DCBLD2: variants seen among roughly 807,000 people sequenced by gnomAD.
DCBLD2 encodes discoidin, CUB and LCCL domain containing 2, also known as discoidin, CUB and LCCL domain-containing protein 2.
A neutral mutation model predicts 86.8 loss-of-function variants in DCBLD2; 54 were observed. That is an observed-to-expected ratio of 0.62 (90% CI 0.50 to 0.78). The LOEUF (loss-of-function observed/expected upper bound fraction) is 0.78. Among genes scored for constraint, DCBLD2 ranks in the 30% least tolerant of loss-of-function variants. DCBLD2 has a pLI of 0.00. For missense variants in DCBLD2, 908 were observed against 954.2 expected, an observed-to-expected ratio of 0.95 and a Z score of 0.64; for synonymous variants, 354 against 341.3, an observed-to-expected ratio of 1.04 and a Z score of -0.41.
At chr3:98,890,745 T>C (rs1943646274) in intron 1 of DCBLD2, among the ~76,000 whole-genome samples, 1 of 152,036 alleles carries the variant, frequency 6.6e-6, no homozygotes. Flanking sequence ...TCCAACTGCA[T>C]CTCGCAGACC....
chr3:98,835,625 C>T (rs1419026753), intron 3 of DCBLD2, among the ~76,000 whole-genome samples: 1 of 148,402 alleles, frequency 6.7e-6, no homozygotes, highest in Admixed American at 6.7e-5. Context: ...TCTCGGCTCA[C>T]TGCAACTTCT....
At chr3:98,853,811 G>T (rs1942882597) in intron 2 of DCBLD2, among the ~76,000 whole-genome samples, 2 of 152,138 alleles carry the variant, frequency 1.3e-5, no homozygotes, top group African/African-American at 4.8e-5. Flanking sequence ...ACTTCCTGAG[G>T]TGTGCCACGG....
chr3:98,848,854 T>TC (rs2107483333), intron 3 of DCBLD2, among the ~76,000 whole-genome samples: 1 of 152,296 alleles, frequency 6.6e-6, no homozygotes, highest in Non-Finnish European at 1.5e-5. Flanking sequence ...ATAAAACATT[T>TC]CAATAATTTA....
chr3:98,838,829 G>A (rs1576173774), intron 3 of DCBLD2, among the ~76,000 whole-genome samples: 1 of 152,128 alleles, frequency 6.6e-6, no homozygotes, highest in Admixed American at 6.5e-5. Flanking sequence ...CGGATCACTC[G>A]CGGTTAGGGG....
chr3:98,866,002 T>A (rs566141352), intron 2 of DCBLD2, among the ~76,000 whole-genome samples: 1 of 152,122 alleles, frequency 6.6e-6, no homozygotes, highest in South Asian at 2.1e-4. Flanking sequence ...GAATGATGGT[T>A]TCCAGCTTCA....
chr3:98,901,028 C>T lies in DCBLD2; in HGVS notation c.205+94G>A, dbSNP rs1345056178. The T allele has an allele frequency of 1.4e-5, 21 of 1,524,290 alleles. No individual in the cohort carries two copies. In the East Asian group the frequency reaches 5.0e-4, roughly 36 times the overall value. The allele number at this position is 1,524,290 out of a possible 1,614,324, so 94.4% of individuals were successfully genotyped here. A position where few individuals can be genotyped will look rare whatever the true frequency, so the allele number is the denominator to read the frequency against. ...CGGCCACGCACGAAAGCGCACCGCG[C>T]CTCCCTGCAGCGTCTGCAGATTTGT... On this transcript the variant is annotated intron_variant, in intron 1 of 15. Transcript: ENST00000326840.
At chr3:98,817,987 G>T in intron 8 of DCBLD2, 94 bp from the exon 9 acceptor site, 1 of 1,437,384 alleles carries the variant, frequency 7.0e-7, no homozygotes, top group Non-Finnish European at 9.4e-7. Context: ...TGCACAGCTC[G>T]AACATTTCTA....
chr3:98,827,876 GTCA>G (rs1157178947), intron 3 of DCBLD2, among the ~76,000 whole-genome samples: 1 of 152,190 alleles, frequency 6.6e-6, no homozygotes, highest in Non-Finnish European at 1.5e-5. Flanking sequence ...CAATGTATAA[GTCA>G]TCATAATCAA....
intron 2 of DCBLD2, among the ~76,000 whole-genome samples, chr3:98,849,966 A>G (rs1245938748): frequency 1.3e-5 from 2 of 152,180 alleles, no homozygotes; most frequent in Non-Finnish European, 2.9e-5. Context: ...AGTATTCTTA[A>G]AGTGCTTCCC....
rs1319333307 is a variant in DCBLD2, at chr3:98,839,170, TC to T, written c.571+10290del. 5.8e-3 allele frequency among the ~76,000 whole-genome samples: 339 copies of T among 58,756 alleles called. 2 individuals carry two copies. The highest frequency in any genetic ancestry group is 0.018 in the African/African-American group (278 of 15,416). 38.5% of individuals were successfully genotyped at this position (58,756 alleles called of 152,430 possible). ...TTCTTTCTTTCTTTCTTTCTTTCTT[TC>T]CTTTCTTTCTTCCTTCCTTCCTTCC... On this transcript the variant is annotated intron_variant, in intron 3 of 15. Coordinates refer to ENST00000326840, the MANE Select transcript of DCBLD2 (RefSeq NM_080927.4).
At chr3:98,838,952 GGCAGGGAGGTT>G (rs1942547633) in intron 3 of DCBLD2, among the ~76,000 whole-genome samples, 1 of 150,992 alleles carries the variant, frequency 6.6e-6, no homozygotes, top group Admixed American at 6.6e-5. Context: ...AGGAGTATCA[GGCAGGGAGGTT>G]GCAGTGAGCC....
At chr3:98,886,216 A>G (rs568916219) in intron 1 of DCBLD2, among the ~76,000 whole-genome samples, 1 of 152,138 alleles carries the variant, frequency 6.6e-6, no homozygotes, top group South Asian at 2.1e-4. Flanking sequence ...TCTTTAACAT[A>G]AAGAAATGCT....
chr3:98,901,486 T>C lies in DCBLD2; in HGVS notation c.-160A>G. On this transcript the variant is annotated 5_prime_UTR_variant, in exon 1 of 16. Transcript: ENST00000326840. ...GACCCTTCCGCCCCTCACCCCGCTT[T>C]CACCTACTCCTCCTTCGTCCCTTCC... is the stretch of plus-strand genomic sequence containing the variant. The C allele has an allele frequency of 1.6e-6, 1 of 611,242 alleles. No individual in the cohort carries two copies. Among genetic ancestry groups the C allele is most frequent in the Non-Finnish European group, 2.3e-6 (1 of 425,634 alleles). 37.9% of individuals were successfully genotyped at this position (611,242 alleles called of 1,614,324 possible).
At chr3:98,843,159 T>G (rs940065499) in intron 3 of DCBLD2, among the ~76,000 whole-genome samples, 16 of 152,176 alleles carry the variant, frequency 1.1e-4, no homozygotes, top group Non-Finnish European at 1.5e-5. Context: ...TTCTACAAAC[T>G]GACACCAAAC....
chr3:98,832,898 A>T (rs1942349272), intron 3 of DCBLD2, among the ~76,000 whole-genome samples: 1 of 152,068 alleles, frequency 6.6e-6, no homozygotes, highest in Admixed American at 6.5e-5. Context: ...AAATCTGATG[A>T]TTATGTGTCT....
chr3:98,831,497 T>A (rs1364921993), intron 3 of DCBLD2, among the ~76,000 whole-genome samples: 4 of 152,128 alleles, frequency 2.6e-5, no homozygotes, highest in Non-Finnish European at 2.9e-5. Context: ...CATATTCTGC[T>A]AGCTTTAAGG....
intron 2 of DCBLD2, among the ~76,000 whole-genome samples, chr3:98,877,630 A>G (rs1943394488): frequency 6.6e-6 from 1 of 152,170 alleles, no homozygotes; most frequent in Non-Finnish European, 1.5e-5. Flanking sequence ...ACAAATGTCT[A>G]TTTACTAAAT....
chr3:98,823,197 T>G (rs1247347877), intron 4 of DCBLD2, among the ~76,000 whole-genome samples: 1 of 152,128 alleles, frequency 6.6e-6, no homozygotes, highest in Non-Finnish European at 1.5e-5. Context: ...TAAAAAGCCC[T>G]TTCAGACTTT....
rs1042453067 is a variant in DCBLD2, at chr3:98,817,778, C to T, written c.1203G>A (p.Glu401=). 1 of 1,613,428 alleles carries T rather than the reference C, an allele frequency of 6.2e-7. No homozygotes were observed. The highest frequency in any genetic ancestry group is 2.2e-5 in the East Asian group (1 of 44,840). ...TTGGTAATCATTTTACCTTATCTTG[C>T]TCCACACCAGGCTCTCTGTACACAG... is the stretch of plus-strand genomic sequence containing the variant. ...KWTVYREPGV[E]QDKIFQGNKD... The change falls in exon 9 of 16, where the codon GAG becomes GAA. Residue 401 remains glutamate (E), a synonymous_variant. Transcript: ENST00000326840.
Sources: allele counts gnomAD v4.1 joint callset (sites outside exome capture counted in the v4.1 genomes callset), GRCh38; gene constraint gnomAD v4.1.1; transcripts MANE v1.5; gene names NCBI Gene and HGNC (gene_info 2026-07-23, HGNC 2026-07-21).